The following NOX4 variants were observed in gnomAD, a reference collection of about 807,000 sequenced individuals.
NOX4 encodes kidney oxidase-1.
In NOX4, 69 loss-of-function variants were observed where a neutral mutation model predicts 87.6. The observed-to-expected ratio is 0.79, with a 90% CI of 0.65 to 0.96. The LOEUF is 0.96. NOX4 is among the 40% of genes least tolerant of loss of function. NOX4 has a pLI of 0.00. For missense variants in NOX4, 680 were observed against 681.5 expected, an observed-to-expected ratio of 1.00 and a Z score of 0.02; for synonymous variants, 275 against 238.2, an observed-to-expected ratio of 1.15 and a Z score of -1.42.
At chr11:89,421,559 G>T (rs1253219766) in intron 8 of NOX4, among the ~76,000 whole-genome samples, 1 of 151,916 alleles carries the variant, frequency 6.6e-6, no homozygotes, top group Non-Finnish European at 1.5e-5. Context: ...ACAGTTTCAG[G>T]AAATACAAAT....
At chr11:89,473,487 G>A (rs58871861) in intron 2 of NOX4, among the ~76,000 whole-genome samples, 1,974 of 151,176 alleles carry the variant, frequency 0.013, 27 homozygotes, top group Middle Eastern at 0.054. Context: ...GAGAGAAAAC[G>A]CACATGACAA....
At chr11:89,387,220 T>C (rs1940776549) in intron 11 of NOX4, among the ~76,000 whole-genome samples, 2 of 152,046 alleles carry the variant, frequency 1.3e-5, no homozygotes, top group Non-Finnish European at 2.9e-5. Flanking sequence ...CAAGACTGCA[T>C]GTATACATCC....
chr11:89,571,308 A>C, the NOX4 span, among the ~76,000 whole-genome samples: 1 of 79,946 alleles, frequency 1.3e-5, no homozygotes, highest in East Asian at 3.4e-4. Context: ...TCTGATTTAT[A>C]CTTTTTTTTT....
chr11:89,459,419 C>T (rs1945350589), intron 2 of NOX4, among the ~76,000 whole-genome samples: 1 of 152,006 alleles, frequency 6.6e-6, no homozygotes, highest in Non-Finnish European at 1.5e-5. Context: ...CTATAGTAAA[C>T]CTGCACATGT....
At chr11:89,401,989 TAGG>T (rs1941882436) in intron 9 of NOX4, among the ~76,000 whole-genome samples, 1 of 152,018 alleles carries the variant, frequency 6.6e-6, no homozygotes, top group Non-Finnish European at 1.5e-5. Flanking sequence ...GTATTGGTGG[TAGG>T]TTTTTTTAAC....
chr11:89,516,320 T>C, the NOX4 span, among the ~76,000 whole-genome samples: 1 of 152,040 alleles, frequency 6.6e-6, no homozygotes, highest in Non-Finnish European at 1.5e-5. Flanking sequence ...TTTAGTAAAA[T>C]TGAATATAGA....
the NOX4 span, among the ~76,000 whole-genome samples, chr11:89,566,711 A>G: frequency 6.6e-6 from 1 of 152,162 alleles, no homozygotes; most frequent in African/African-American, 2.4e-5. Flanking sequence ...TTAGAAGGAA[A>G]TCATTAAGAG....
chr11:89,395,891 GT>G (rs1941450035), intron 11 of NOX4, among the ~76,000 whole-genome samples: 2 of 152,146 alleles, frequency 1.3e-5, no homozygotes, highest in Non-Finnish European at 2.9e-5. Flanking sequence ...GTACCATGCT[GT>G]TTTGGTTACT....
chr11:89,459,968 G>A (rs1278304823), intron 2 of NOX4, among the ~76,000 whole-genome samples: 1 of 152,104 alleles, frequency 6.6e-6, no homozygotes, highest in East Asian at 1.9e-4. Flanking sequence ...CAGAGATATA[G>A]ACCAATGGAA....
At chr11:89,396,596 T>A (rs1591110881) in intron 11 of NOX4, among the ~76,000 whole-genome samples, 1 of 151,986 alleles carries the variant, frequency 6.6e-6, no homozygotes, top group East Asian at 1.9e-4. Context: ...GAGATGCACA[T>A]AGGCTCAAAA....
At chr11:89,586,430 G>A in the NOX4 span, among the ~76,000 whole-genome samples, 3 of 152,172 alleles carry the variant, frequency 2.0e-5, no homozygotes, top group Non-Finnish European at 4.4e-5. Flanking sequence ...TGAGAAATTA[G>A]GTAATTGAAT....
chr11:89,398,587 G>T (rs1436648501), intron 11 of NOX4, among the ~76,000 whole-genome samples: 1 of 150,986 alleles, frequency 6.6e-6, no homozygotes, highest in East Asian at 2.0e-4. Flanking sequence ...CTATTTTCAT[G>T]TTACCAATTT....
At chr11:89,426,681 G>A (rs772321756) in intron 7 of NOX4, among the ~76,000 whole-genome samples, 6 of 152,086 alleles carry the variant, frequency 3.9e-5, no homozygotes, top group African/African-American at 7.2e-5. Context: ...GGGGAGGGGC[G>A]CCCACCATTG....
At chr11:89,441,966 T>C (rs1944474552) in intron 5 of NOX4, among the ~76,000 whole-genome samples, 1 of 147,842 alleles carries the variant, frequency 6.8e-6, no homozygotes, top group South Asian at 2.1e-4. Flanking sequence ...TATATATATA[T>C]ATATAATCAA....
the NOX4 span, among the ~76,000 whole-genome samples, chr11:89,564,681 T>C: frequency 1.3e-5 from 2 of 152,234 alleles, no homozygotes; most frequent in Middle Eastern, 3.4e-3. Context: ...ATTACATTTC[T>C]TCAGGGAAAT....
At chr11:89,331,532 G>C (rs1203804217) in intron 17 of NOX4, among the ~76,000 whole-genome samples, 1 of 151,618 alleles carries the variant, frequency 6.6e-6, no homozygotes, top group African/African-American at 2.4e-5. Flanking sequence ...ACATAATGTA[G>C]CTTCCATTAA....
chr11:89,489,391 C>T (rs749570613), intron 2 of NOX4, among the ~76,000 whole-genome samples: 24 of 152,068 alleles, frequency 1.6e-4, no homozygotes, highest in Non-Finnish European at 1.9e-4. Context: ...TTCAGGTTCC[C>T]TAAGTTTTTG....
At chr11:89,387,813 G>C (rs901149508) in intron 11 of NOX4, among the ~76,000 whole-genome samples, 6 of 152,138 alleles carry the variant, frequency 3.9e-5, no homozygotes, top group Admixed American at 1.3e-4. Flanking sequence ...AATTAGGTGA[G>C]AGCACACCTT....
At chr11:89,569,827 C>T in the NOX4 span, among the ~76,000 whole-genome samples, 1 of 151,802 alleles carries the variant, frequency 6.6e-6, no homozygotes, top group African/African-American at 2.4e-5. Context: ...CATGGTGAAA[C>T]CCGCCTCTAT....
Sources: allele counts gnomAD v4.1 joint callset (sites outside exome capture counted in the v4.1 genomes callset), GRCh38; gene constraint gnomAD v4.1.1; transcripts MANE v1.5; gene names NCBI Gene and HGNC (gene_info 2026-07-23, HGNC 2026-07-21).